MID1: variants seen among roughly 807,000 people sequenced by gnomAD.
MID1 encodes the protein E3 ubiquitin-protein ligase Midline-1.
MID1 carries 7 observed loss-of-function variants against 40.4 expected under a neutral mutation model. The observed-to-expected ratio is 0.17, with a 90% CI of 0.10 to 0.33. The LOEUF is 0.33. Ranked by LOEUF, MID1 falls within the 10% of genes least tolerant of loss-of-function variation. The pLI, the probability that MID1 is intolerant of heterozygous loss-of-function variation, is 1.00. For missense variants in MID1, 367 were observed against 558.5 expected (o/e 0.66, Z 3.46); for synonymous variants, 229 against 221.2 (o/e 1.04, Z -0.31).
In MID1 at chrX:10,482,519, T is replaced by G. The variant is rs1163978469; in HGVS notation, c.974A>C (p.His325Pro). ...QAEHSLKEND[H>P]ARFLQTAKNI... ...CTTAGCAGTCTGTAGGAAACGCGCA[T>G]GATCATTCTCCTTCAGAGAGTGTTC... Residue 325 changes from histidine (H) to proline (P), a missense_variant, in exon 5 of 10, where the codon CAT becomes CCT. Around this residue, in one of 3 missense-constraint regions of MID1, gnomAD observed 275 missense variants for 383.1 expected, o/e 0.72. Transcript: ENST00000317552. The G allele has an allele frequency of 1.7e-6, 2 of 1,211,391 alleles. No homozygotes were observed. Among genetic ancestry groups the G allele is most frequent in the Admixed American group, 4.3e-5 (2 of 46,126 alleles).
At chrX:10,499,825 C>A (rs2147328380) in intron 3 of MID1, among the ~76,000 whole-genome samples, 1 of 112,260 alleles carries the variant, frequency 8.9e-6, no homozygotes, top group South Asian at 3.7e-4. Context: ...CAGTGAGAAC[C>A]CACTGCTAAT....
At chrX:10,562,273 G>C (rs1358149049) in intron 2 of MID1, among the ~76,000 whole-genome samples, 1 of 101,658 alleles carries the variant, frequency 9.8e-6, no homozygotes, top group Admixed American at 1.0e-4. Flanking sequence ...ATGCATGTGG[G>C]GTGTAAAACC....
At chrX:10,769,325 GCTCT>G (rs776692675) in intron 1 of MID1, among the ~76,000 whole-genome samples, 1 of 110,804 alleles carries the variant, frequency 9.0e-6, no homozygotes, top group Non-Finnish European at 1.9e-5. Context: ...AGCCCAGTAG[GCTCT>G]CTATGTGGCA....
intron 1 of MID1, among the ~76,000 whole-genome samples, chrX:10,784,735 C>T (rs760050293): frequency 2.7e-5 from 3 of 110,691 alleles, no homozygotes; most frequent in South Asian, 3.9e-4. Context: ...TGTAAGCCAC[C>T]GCACCTGGCC....
chrX:10,544,931 C>G (rs757557481), intron 2 of MID1, among the ~76,000 whole-genome samples: 1 of 112,192 alleles, frequency 8.9e-6, no homozygotes, highest in East Asian at 2.8e-4. Flanking sequence ...CCTTTCAAAG[C>G]TAAGTGTTTT....
chrX:10,654,521 A>T (rs141677786), intron 1 of MID1, among the ~76,000 whole-genome samples: 2,094 of 111,612 alleles, frequency 0.019, 21 homozygotes, highest in African/African-American at 0.028. Context: ...GGCAACCTAG[A>T]TCCCTCGCAT....
At chrX:10,759,372 C>T (rs2043658758) in intron 1 of MID1, among the ~76,000 whole-genome samples, 1 of 111,867 alleles carries the variant, frequency 8.9e-6, no homozygotes, top group African/African-American at 3.3e-5. Flanking sequence ...TCAGAACTTT[C>T]TCTTGCAGTG....
At chrX:10,762,483 T>TG (rs1385301781) in intron 1 of MID1, among the ~76,000 whole-genome samples, 1 of 104,168 alleles carries the variant, frequency 9.6e-6, no homozygotes, top group Admixed American at 1.0e-4. Flanking sequence ...TTGTTGTGTG[T>TG]TTTTTTTTTT....
rs753534209 is a variant in MID1, at chrX:10,560,484, C to G, written c.660+6404G>C. The stretch of plus-strand genomic sequence containing the variant: ...TATTTAGAAAACCCCATCATCTCGG[C>G]CCCAAAGCTCCTTAAGCTGATAAGC... On this transcript the variant is annotated intron_variant, in intron 2 of 9. Transcript: ENST00000317552. 2.7e-5 allele frequency among the ~76,000 whole-genome samples: 3 copies of G among 111,033 alleles called. No individual in the cohort carries two copies. The East Asian group carries it at 8.5e-4, about 32-fold the overall frequency.
intron 1 of MID1, among the ~76,000 whole-genome samples, chrX:10,703,658 G>A (rs1477779494): frequency 9.0e-6 from 1 of 111,418 alleles, no homozygotes; most frequent in Non-Finnish European, 1.9e-5. Flanking sequence ...CAGAGTGAGA[G>A]TCTGTTTAAA....
intron 3 of MID1, among the ~76,000 whole-genome samples, chrX:10,516,560 T>TGTG (rs1932427244): frequency 1.9e-4 from 14 of 73,360 alleles, no homozygotes; most frequent in Non-Finnish European, 3.2e-4. Context: ...TACTCTGCTC[T>TGTG]TGTGTGTGTG....
Position 10,456,050 on chromosome X carries a change from C to T in MID1, c.1448-973G>A, listed in dbSNP as rs776588786. 2.7e-5 allele frequency among the ~76,000 whole-genome samples: 3 copies of T among 112,481 alleles called. No individual in the cohort carries two copies. In the South Asian group the frequency reaches 1.1e-3, roughly 41 times the overall value. On this transcript the variant is annotated intron_variant, in intron 8 of 9. Coordinates refer to ENST00000317552, the MANE Select transcript of MID1 (RefSeq NM_000381.4). ...TGATACAAATGCCATGGTGTCCAAACTCCACAGTCACTGTTGCAGTTGGCA... is the reference window on the plus strand; with the variant it reads ...TGATACAAATGCCATGGTGTCCAAATTCCACAGTCACTGTTGCAGTTGGCA...
chrX:10,514,735 C>T (rs964191684), intron 3 of MID1, among the ~76,000 whole-genome samples: 37 of 112,003 alleles, frequency 3.3e-4, no homozygotes, highest in African/African-American at 1.1e-3. Context: ...AATCCTAAGA[C>T]GTGAACTTGG....
Position 10,592,169 on chromosome X carries a change from G to A in MID1, c.-56-24566C>T, listed in dbSNP as rs139121525. 6.7e-3 allele frequency among the ~76,000 whole-genome samples: 690 copies of A among 102,815 alleles called. 13 individuals are homozygous for A. The highest frequency in any genetic ancestry group is 0.036 in the South Asian group (76 of 2,123). 89.3% of individuals were successfully genotyped at this position (102,815 alleles called of 115,157 possible). On this transcript the variant is annotated intron_variant, in intron 1 of 9. Coordinates refer to ENST00000317552, the MANE Select transcript of MID1 (RefSeq NM_000381.4). Reference sequence around the variant, plus strand: ...GTGGTGTGTGTGTGTGTGTGTGTGTGTATATGTGTGTGTGTCCATTAAAAA... The same window carrying A: ...GTGGTGTGTGTGTGTGTGTGTGTGTATATATGTGTGTGTGTCCATTAAAAA...
At chrX:10,476,512 T>C (rs1267487292) in intron 5 of MID1, among the ~76,000 whole-genome samples, 1 of 111,233 alleles carries the variant, frequency 9.0e-6, no homozygotes, top group African/African-American at 3.3e-5. Flanking sequence ...ATTTCACCCA[T>C]CTAAAAAAGA....
chrX:10,727,326 C>T (rs182192412), intron 1 of MID1, among the ~76,000 whole-genome samples: 1 of 111,661 alleles, frequency 9.0e-6, no homozygotes, highest in East Asian at 2.8e-4. Context: ...ACCATGTTGG[C>T]CAGGCTGGTG....
At chrX:10,647,350 T>A (rs2147571809) in intron 1 of MID1, among the ~76,000 whole-genome samples, 1 of 111,563 alleles carries the variant, frequency 9.0e-6, no homozygotes, top group South Asian at 3.8e-4. Flanking sequence ...AGAAGGGGAA[T>A]TGCTTTTTAT....
chrX:10,704,735 T>TACAC (rs1449236211), intron 1 of MID1, among the ~76,000 whole-genome samples: 22 of 84,872 alleles, frequency 2.6e-4, no homozygotes, highest in African/African-American at 1.1e-3. Flanking sequence ...TATATATATA[T>TACAC]ATATACACAC....
chrX:10,568,642 G>A (rs1934639433), intron 1 of MID1, among the ~76,000 whole-genome samples: 1 of 110,933 alleles, frequency 9.0e-6, no homozygotes, highest in South Asian at 3.9e-4. Flanking sequence ...GCCTGGGTAC[G>A]ACCTCTGCTA....
Sources: gnomAD v4.1 joint callset for allele counts (sites outside exome capture counted in the v4.1 genomes callset) on GRCh38, gnomAD v4.1.1 for gene constraint, gnomAD v4.1.1 regional missense constraint, MANE v1.5 for transcripts, NCBI Gene and HGNC (gene_info 2026-07-23, HGNC 2026-07-21) for gene names.